The following MANBA variants were observed in gnomAD, a reference collection of about 807,000 sequenced individuals.
The protein encoded by MANBA is beta-mannosidase.
MANBA carries 83 observed loss-of-function variants against 111.1 expected under a neutral mutation model. The observed-to-expected ratio is 0.75, with a 90% CI of 0.63 to 0.90. The LOEUF (loss-of-function observed/expected upper bound fraction) is 0.90, where lower values mean the gene tolerates loss of function less well. Ranked by LOEUF, MANBA falls within the 40% of genes least tolerant of loss-of-function variation. MANBA has a pLI of 0.00. For missense variants in MANBA, 1,036 were observed against 1,069.0 expected, an observed-to-expected ratio of 0.97 and a Z score of 0.43; for synonymous variants, 370 against 378.7, an observed-to-expected ratio of 0.98 and a Z score of 0.27.
rs770632375 is a variant in MANBA, at chr4:102,648,931, TG to T, written c.1869+1605del. 3.3e-5 allele frequency among the ~76,000 whole-genome samples: 5 copies of T among 151,962 alleles called. No individual in the cohort carries two copies. In the South Asian group the frequency reaches 6.2e-4, roughly 19 times the overall value. On this transcript the variant is annotated intron_variant, in intron 13 of 16. Transcript: ENST00000647097. Reference sequence around the variant, plus strand: ...CTACTTTGCTCTCTATCATCTTGATTGTTTTTTTTTCTAATATGTACTTTTT... The same window carrying T: ...CTACTTTGCTCTCTATCATCTTGATTTTTTTTTTTCTAATATGTACTTTTT...
chr4:102,727,491 G>A, intron 1 of MANBA: 1 of 1,532,176 alleles, frequency 6.5e-7, no homozygotes, highest in South Asian at 1.1e-5. Flanking sequence ...CATGAGAAAT[G>A]AGTCTTCTCA....
rs761839953 is a variant in MANBA, at chr4:102,664,861, T to C, written c.1318-9A>G. ...GATTTCAGTCTCTTGATCTGAAAAT[T>C]AAGAAAACATAAAATGATTTTCAAA... On this transcript the variant is annotated splice_polypyrimidine_tract_variant and intron_variant, in intron 10 of 16. Transcript: ENST00000647097. The C allele has an allele frequency of 8.3e-6, 13 of 1,574,268 alleles. No homozygotes were observed. The highest frequency in any genetic ancestry group is 1.1e-5 in the Non-Finnish European group (13 of 1,143,880).
At chr4:102,696,141 G>A (rs1020786124) in intron 5 of MANBA, among the ~76,000 whole-genome samples, 1 of 152,076 alleles carries the variant, frequency 6.6e-6, no homozygotes, top group Non-Finnish European at 1.5e-5. Flanking sequence ...TGAGAGGATC[G>A]CTTGAGCCCA....
intron 16 of MANBA, chr4:102,633,374 A>G: frequency 2.5e-6 from 1 of 398,700 alleles, no homozygotes; most frequent in Non-Finnish European, 4.4e-6. Flanking sequence ...ACCAAGGCCG[A>G]AAGAGATGCT....
At chr4:102,685,631 G>GC (rs1732175648) in intron 7 of MANBA, among the ~76,000 whole-genome samples, 1 of 151,764 alleles carries the variant, frequency 6.6e-6, no homozygotes, top group Non-Finnish European at 1.5e-5. Context: ...TCTTTCCCTC[G>GC]CTACTGGCCC....
intron 14 of MANBA, among the ~76,000 whole-genome samples, chr4:102,638,730 T>C (rs562794603): frequency 7.9e-5 from 12 of 152,286 alleles, no homozygotes; most frequent in African/African-American, 2.9e-4. Context: ...TGCTCTCTTA[T>C]CTGGTTGGTG....
rs755144385 is a variant in MANBA at position 102,722,931 on chromosome 4, A to T, written c.489T>A (p.Val163=). Residue 163 remains valine (V), a synonymous_variant, in exon 4 of 17, where the codon GTT becomes GTA. Coordinates refer to ENST00000647097, the MANE Select transcript of MANBA (RefSeq NM_005908.4). ...GCACAAGTGGAGGGCAGTCTGGGGG[A>T]ACCTGGTAGCGAGTGTGAGCTTTGC... ...QQSKAHTRYQ[V]PPDCPPLVQK... The T allele has an allele frequency of 6.2e-7, 1 of 1,614,098 alleles. No individual in the cohort carries two copies. The highest frequency in any genetic ancestry group is 1.7e-5 in the Admixed American group (1 of 60,010).
chr4:102,636,367 C>T (rs952306134), intron 14 of MANBA, among the ~76,000 whole-genome samples: 1 of 152,160 alleles, frequency 6.6e-6, no homozygotes. Context: ...CTAACCTGTA[C>T]AGCATATTGC....
intron 7 of MANBA, among the ~76,000 whole-genome samples, chr4:102,685,783 C>G (rs948611909): frequency 6.6e-6 from 1 of 152,212 alleles, no homozygotes; most frequent in African/African-American, 2.4e-5. Flanking sequence ...AGAGACCCCC[C>G]CATTCAAGTT....
intron 11 of MANBA, chr4:102,659,167 G>C (rs1224888480): frequency 6.6e-6 from 1 of 152,174 alleles, no homozygotes; most frequent in Admixed American, 6.5e-5. Flanking sequence ...CTATGTGCTG[G>C]AGGTTCAGCA....
chr4:102,730,757 A>C, intron 1 of MANBA: 1 of 487,794 alleles, frequency 2.1e-6, no homozygotes, highest in Non-Finnish European at 4.0e-6. Flanking sequence ...AGACACAATA[A>C]GTCTTTCTGA....
chr4:102,729,642 T>C lies in MANBA; in HGVS notation c.178-2959A>G, dbSNP rs143133548. On this transcript the variant is annotated intron_variant, in intron 1 of 16. Coordinates refer to ENST00000647097, the MANE Select transcript of MANBA (RefSeq NM_005908.4). The stretch of plus-strand genomic sequence containing the variant: ...CTTATTGATCTCATCCTCATACTTG[T>C]TCTTGAAGTCCTCCACCAGCCCGGG... The C allele has an allele frequency of 8.3e-3, 10,743 of 1,287,140 alleles. 79 individuals are homozygous for C. Among genetic ancestry groups the C allele is most frequent in the South Asian group, 0.013 (1,126 of 84,530 alleles). 79.7% of individuals were successfully genotyped at this position (1,287,140 alleles called of 1,614,324 possible).
chr4:102,685,515 C>T (rs170563), intron 7 of MANBA, among the ~76,000 whole-genome samples: 91,661 of 151,692 alleles, frequency 0.6, 28,532 homozygotes, highest in South Asian at 0.79. Context: ...ACTATTACAA[C>T]GAAAACAGAG....
At chr4:102,636,036 G>A (rs764223504) in intron 14 of MANBA, 29 bp from the exon 15 acceptor site, 41 of 1,603,658 alleles carry the variant, frequency 2.6e-5, no homozygotes, top group South Asian at 2.2e-4. Context: ...GTCAGGAGAC[G>A]GCAAGGTCAA....
intron 4 of MANBA, among the ~76,000 whole-genome samples, chr4:102,719,975 T>C (rs1022088462): frequency 6.6e-6 from 1 of 152,256 alleles, no homozygotes; most frequent in Non-Finnish European, 1.5e-5. Context: ...GGCTATGTTC[T>C]ATCTAGATAA....
At chr4:102,744,707 A>G (rs1723528660) in intron 1 of MANBA, among the ~76,000 whole-genome samples, 1 of 152,236 alleles carries the variant, frequency 6.6e-6, no homozygotes, top group African/African-American at 2.4e-5. Context: ...TCATTCTCCA[A>G]GATCCTTCTG....
At chr4:102,673,361 G>A (rs1189858699) in intron 8 of MANBA, among the ~76,000 whole-genome samples, 1 of 152,054 alleles carries the variant, frequency 6.6e-6, no homozygotes, top group Non-Finnish European at 1.5e-5. Context: ...ACAAAAATTA[G>A]CTGGGCGGTA....
chr4:102,648,289 A>G (rs920152119), intron 13 of MANBA, among the ~76,000 whole-genome samples: 3 of 152,138 alleles, frequency 2.0e-5, no homozygotes, highest in Non-Finnish European at 2.9e-5. Context: ...TAACAGCATT[A>G]TTCATAATAG....
chr4:102,651,811 C>A (rs1025552347), intron 12 of MANBA, among the ~76,000 whole-genome samples: 140 of 152,266 alleles, frequency 9.2e-4, no homozygotes, highest in Non-Finnish European at 4.7e-4. Context: ...CAAAATGCCA[C>A]CACCAGAATT....
Sources: allele counts gnomAD v4.1 joint callset (sites outside exome capture counted in the v4.1 genomes callset), GRCh38; gene constraint gnomAD v4.1.1; transcripts MANE v1.5; gene names NCBI Gene and HGNC (gene_info 2026-07-23, HGNC 2026-07-21).